The following CELF2 variants were observed in gnomAD, a reference collection of about 807,000 sequenced individuals.
CELF2 encodes the protein CUGBP Elav-like family member 2.
A neutral mutation model predicts 62.6 loss-of-function variants in CELF2; 8 were observed. That is an observed-to-expected ratio of 0.13 (90% confidence interval 0.07 to 0.23). The LOEUF (loss-of-function observed/expected upper bound fraction) is 0.23, where lower values mean the gene tolerates loss of function less well. Among genes scored for constraint, CELF2 ranks in the 10% least tolerant of loss-of-function variants. The pLI is 1.00. For missense variants in CELF2, 333 were observed against 671.0 expected (o/e 0.50, Z 5.56); for synonymous variants, 258 against 250.0 (o/e 1.03, Z -0.30).
rs2075533793 is a variant in CELF2 at position 11,246,124 on chromosome 10, C to T, written c.355-3029C>T. ...CCATCATCCACGCATTTCACAGATG[C>T]ATCTGAATGCTCACAGTGCTCTATT... On this transcript the variant is annotated intron_variant, in intron 3 of 12. Coordinates refer to ENST00000633077, the MANE Select transcript of CELF2 (RefSeq NM_001326342.2). This position sits in a 1 kb window ranked among gnomAD's most constrained non-coding sequence, Gnocchi z 4.6. Among the ~76,000 whole-genome samples the T allele has an allele frequency of 6.6e-6, 1 of 152,150 alleles. No individual in the cohort carries two copies. The highest frequency in any genetic ancestry group is 6.5e-5 in the Admixed American group (1 of 15,276).
At chr10:11,195,718 AAG>A (rs1262334730) in intron 2 of CELF2, among the ~76,000 whole-genome samples, 1 of 152,188 alleles carries the variant, frequency 6.6e-6, no homozygotes, top group African/African-American at 2.4e-5. Context: ...TGCAGCCACT[AAG>A]AGAGTCAAGG....
At chr10:11,122,685 A>G (rs2057980929) in intron 1 of CELF2, among the ~76,000 whole-genome samples, 2 of 152,200 alleles carry the variant, frequency 1.3e-5, no homozygotes, top group Admixed American at 6.5e-5. Context: ...GCCTCTTACA[A>G]CAAGCAGTCG....
intron 2 of CELF2, among the ~76,000 whole-genome samples, chr10:10,967,569 A>G (rs2050260974): frequency 6.6e-6 from 1 of 152,162 alleles, no homozygotes; most frequent in Non-Finnish European, 1.5e-5. Context: ...GCCACAATAC[A>G]TGTGTGACCC....
chr10:11,161,298 T>C (rs1327529628), intron 1 of CELF2, among the ~76,000 whole-genome samples: 1 of 152,250 alleles, frequency 6.6e-6, no homozygotes, highest in East Asian at 1.9e-4. Context: ...TCTAGCTGGC[T>C]CCTTGCCAAG....
At chr10:10,488,821 ATT>A in the CELF2 span, among the ~76,000 whole-genome samples, 2 of 152,102 alleles carry the variant, frequency 1.3e-5, no homozygotes, top group Admixed American at 6.6e-5. Context: ...AAATCTTTCC[ATT>A]CTTTTCCTTC....
chr10:11,219,037 G>A (rs564826765), intron 3 of CELF2, among the ~76,000 whole-genome samples: 35 of 152,236 alleles, frequency 2.3e-4, no homozygotes, highest in African/African-American at 7.2e-4. Flanking sequence ...TGAGCATGCC[G>A]AATCCCTTCT....
chr10:10,496,887 T>C, the CELF2 span, among the ~76,000 whole-genome samples: 2 of 151,876 alleles, frequency 1.3e-5, no homozygotes, highest in Non-Finnish European at 2.9e-5. Flanking sequence ...AGGAAAGTTA[T>C]GTAATAAAAA....
At chr10:11,250,315 C>A (rs1046214794) in intron 4 of CELF2, among the ~76,000 whole-genome samples, 1 of 152,170 alleles carries the variant, frequency 6.6e-6, no homozygotes, top group Admixed American at 6.5e-5. Flanking sequence ...TCAAGGCCAG[C>A]CTGGGCAACA....
chr10:10,686,012 T>C, the CELF2 span, among the ~76,000 whole-genome samples: 1 of 152,122 alleles, frequency 6.6e-6, no homozygotes, highest in Admixed American at 6.5e-5. Flanking sequence ...CTGAGGATGA[T>C]GGCAGCTACG....
the CELF2 span, among the ~76,000 whole-genome samples, chr10:10,551,110 A>C: frequency 6.6e-6 from 1 of 152,126 alleles, no homozygotes; most frequent in Non-Finnish European, 1.5e-5. Context: ...CAATGTGGAG[A>C]TCTGTGAAAA....
At chr10:10,527,259 T>C in the CELF2 span, among the ~76,000 whole-genome samples, 1 of 151,994 alleles carries the variant, frequency 6.6e-6, no homozygotes, top group Non-Finnish European at 1.5e-5. Flanking sequence ...CTGGCCAACA[T>C]GACGAAACCC....
chr10:10,611,514 C>G, the CELF2 span, among the ~76,000 whole-genome samples: 1 of 152,170 alleles, frequency 6.6e-6, no homozygotes, highest in Admixed American at 6.5e-5. Context: ...AATGACTACA[C>G]AGTCGTAATA....
chr10:10,981,086 C>T (rs549680561), intron 2 of CELF2, among the ~76,000 whole-genome samples: 34 of 152,310 alleles, frequency 2.2e-4, no homozygotes, highest in East Asian at 5.8e-4. Context: ...CATTGTGACA[C>T]GCCCACTGAA....
intron 1 of CELF2, among the ~76,000 whole-genome samples, chr10:11,064,235 C>G (rs1418037592): frequency 6.6e-6 from 1 of 152,210 alleles, no homozygotes; most frequent in Admixed American, 6.5e-5. Flanking sequence ...TTTTCCAAAT[C>G]ATTTCACAGT....
the CELF2 span, among the ~76,000 whole-genome samples, chr10:10,791,145 G>T: frequency 6.6e-6 from 1 of 151,994 alleles, no homozygotes; most frequent in Non-Finnish European, 1.5e-5. Context: ...TTACAACTCT[G>T]TCTCAATTGT....
chr10:10,833,965 T>G (rs1358236488), intron 1 of CELF2, among the ~76,000 whole-genome samples: 1 of 152,204 alleles, frequency 6.6e-6, no homozygotes, highest in Non-Finnish European at 1.5e-5. Flanking sequence ...TTCCTGGGTA[T>G]ATACCCAAAA....
intron 2 of CELF2, among the ~76,000 whole-genome samples, chr10:10,971,563 G>A (rs2050756858): frequency 6.6e-6 from 1 of 151,852 alleles, no homozygotes; most frequent in Non-Finnish European, 1.5e-5. Context: ...GCATGGTTTT[G>A]TTGTTGTTGT....
chr10:11,167,157 T>C (rs954462168), intron 2 of CELF2, among the ~76,000 whole-genome samples: 2 of 152,226 alleles, frequency 1.3e-5, no homozygotes, highest in Non-Finnish European at 2.9e-5. Flanking sequence ...AATACCTTTA[T>C]TGGACATATT....
In CELF2 at chr10:10,957,575, A is replaced by G. The variant is rs1455867306; in HGVS notation, c.89+37576A>G. Among the ~76,000 whole-genome samples the G allele has an allele frequency of 2.6e-5, 4 of 152,164 alleles. No homozygotes were observed. The highest frequency in any genetic ancestry group is 5.9e-5 in the Non-Finnish European group (4 of 68,030). ...CCCCATCCCTCCCCTCTCCCTAGAT[A>G]GAGGGCAGAGAGGTCAAAGTCAGTG... is the stretch of plus-strand genomic sequence containing the variant. On this transcript the variant is annotated intron_variant, in intron 2 of 13. Transcript: ENST00000636488. This position sits in a 1 kb window ranked among gnomAD's most constrained non-coding sequence, Gnocchi z 4.1.
Sources: gnomAD v4.1 joint callset for allele counts (sites outside exome capture counted in the v4.1 genomes callset) on GRCh38, gnomAD v4.1.1 for gene constraint, Gnocchi (gnomAD v3.1) non-coding constraint, MANE v1.5 for transcripts, NCBI Gene and HGNC (gene_info 2026-07-23, HGNC 2026-07-21) for gene names.